Variants in COMMD2 observed in about 807,000 individuals in gnomAD.
COMMD2 encodes the protein COMM domain containing 2.
A neutral mutation model predicts 22.5 loss-of-function variants in COMMD2; 25 were observed. The ratio of observed to expected loss-of-function variants is 1.11; its 90% CI spans 0.81 to 1.55. The LOEUF (loss-of-function observed/expected upper bound fraction) is 1.55, where lower values mean the gene tolerates loss of function less well. Among genes scored for constraint, COMMD2 ranks in the 40% most tolerant of loss-of-function variants. The pLI, the probability that COMMD2 is intolerant of heterozygous loss-of-function variation, is 0.00. For synonymous variants in COMMD2, 98 were observed against 91.2 expected (o/e 1.07, Z -0.42); for missense variants, 223 against 232.9 (o/e 0.96, Z 0.28).
In COMMD2 at chr3:149,739,629, A is replaced by G; in HGVS notation, c.*1892T>C. On this transcript the variant is annotated 3_prime_UTR_variant, in exon 5 of 5. Coordinates refer to ENST00000473414, the MANE Select transcript of COMMD2 (RefSeq NM_016094.4). ...CTGGGATCAGCCATGTTTACCTTCC[A>G]TCGAAGGTGGACAAATAAAAACCCT... 6.6e-6 allele frequency: 1 copy of G among 152,328 alleles called. No individual in the cohort carries two copies. The highest frequency in any genetic ancestry group is 1.9e-4 in the East Asian group (1 of 5,186). The allele number at this position is 152,328 out of a possible 1,614,324, so 9.4% of individuals were successfully genotyped here.
At chr3:149,749,133 G>C (rs1716455319) in intron 4 of COMMD2, among the ~76,000 whole-genome samples, 1 of 151,962 alleles carries the variant, frequency 6.6e-6, no homozygotes, top group Non-Finnish European at 1.5e-5. Flanking sequence ...TCCTGCCTCA[G>C]CCTCCCAAGT....
chr3:149,749,117 C>T (rs982354498), intron 4 of COMMD2, among the ~76,000 whole-genome samples: 18 of 151,860 alleles, frequency 1.2e-4, no homozygotes, highest in Non-Finnish European at 1.0e-4. Context: ...CGGGTTCAAG[C>T]GATTCTCCTG....
chr3:149,749,444 T>C (rs982667792), intron 4 of COMMD2, among the ~76,000 whole-genome samples: 1 of 152,234 alleles, frequency 6.6e-6, no homozygotes, highest in Non-Finnish European at 1.5e-5. Context: ...CAAACTGTAT[T>C]GCACATTAGA....
intron 4 of COMMD2, among the ~76,000 whole-genome samples, chr3:149,742,744 G>A (rs1156647367): frequency 6.6e-6 from 1 of 152,078 alleles, no homozygotes; most frequent in Non-Finnish European, 1.5e-5. Flanking sequence ...TGAGATGGGT[G>A]GATCACAAGG....
intron 3 of COMMD2, 189 bp downstream of exon 3, chr3:149,751,214 A>T (rs1716519490): frequency 7.6e-6 from 6 of 786,704 alleles, no homozygotes; most frequent in Non-Finnish European, 1.2e-5. Context: ...AGCTATTTAT[A>T]CTAGCAAGAG....
chr3:149,749,253 C>T (rs1716460390), intron 4 of COMMD2, among the ~76,000 whole-genome samples: 1 of 152,222 alleles, frequency 6.6e-6, no homozygotes, highest in African/African-American at 2.4e-5. Flanking sequence ...ATCCGCCTGC[C>T]TTGGCCTCTC....
At chr3:149,747,341 G>C (rs1168262415) in intron 4 of COMMD2, among the ~76,000 whole-genome samples, 4 of 152,182 alleles carry the variant, frequency 2.6e-5, no homozygotes, top group Non-Finnish European at 5.9e-5. Context: ...GACCTTTGGG[G>C]CATCCCAATG....
At chr3:149,742,479 C>T (rs998697017) in intron 4 of COMMD2, among the ~76,000 whole-genome samples, 1 of 152,010 alleles carries the variant, frequency 6.6e-6, no homozygotes, top group African/African-American at 2.4e-5. Flanking sequence ...ATCAAATATT[C>T]ATTAACAGAA....
intron 4 of COMMD2, among the ~76,000 whole-genome samples, chr3:149,745,138 C>T (rs1005783317): frequency 1.3e-5 from 2 of 152,126 alleles, no homozygotes; most frequent in Admixed American, 6.5e-5. Flanking sequence ...CCCCACATCT[C>T]CACCGGGTTA....
intron 4 of COMMD2, among the ~76,000 whole-genome samples, chr3:149,747,503 A>G (rs1716409105): frequency 6.6e-6 from 1 of 152,372 alleles, no homozygotes. Flanking sequence ...CTGTCAATAA[A>G]CAGAATGGCA....
chr3:149,751,454 C>T lies in COMMD2; in HGVS notation c.177G>A (p.Gln59=), dbSNP rs746113630. ...RKLNVSSDTV[Q]HGVEGLTYLL... ...GATACGTTAATCCTTCCACACCATGCTGGACAGTGTCACTACTCACATTGA... is the reference window on the plus strand; with the variant it reads ...GATACGTTAATCCTTCCACACCATGTTGGACAGTGTCACTACTCACATTGA... The change falls in exon 3 of 5, where the codon CAG becomes CAA. Residue 59 remains glutamine (Q), a synonymous_variant. Transcript: ENST00000473414. The T allele has an allele frequency of 1.2e-6, 2 of 1,612,000 alleles. No homozygotes were observed. The highest frequency in any genetic ancestry group is 1.7e-6 in the Non-Finnish European group (2 of 1,179,428).
intron 4 of COMMD2, 42 bp from the exon 5 acceptor site, chr3:149,741,760 A>G: frequency 7.1e-7 from 1 of 1,410,794 alleles, no homozygotes. Context: ...CTATTTAATA[A>G]CCATGCTGAA....
intron 2 of COMMD2, 99 bp from the exon 3 acceptor site, chr3:149,751,584 T>C (rs1716534252): frequency 9.2e-7 from 1 of 1,092,652 alleles, no homozygotes; most frequent in Non-Finnish European, 1.3e-6. Context: ...TTATTACATG[T>C]TTTCAAACAC....
At chr3:149,750,428 C>G (rs1318697074) in intron 4 of COMMD2, 1 of 522,358 alleles carries the variant, frequency 1.9e-6, no homozygotes, top group South Asian at 1.7e-5. Context: ...AGGCACCAAC[C>G]TAAAAAATCT....
Position 149,739,675 on chromosome 3 carries a change from T to C in COMMD2, c.*1846A>G, listed in dbSNP as rs984427449. 1.6e-4 allele frequency: 24 copies of C among 152,226 alleles called. No individual in the cohort carries two copies. Among genetic ancestry groups the C allele is most frequent in the African/African-American group, 5.8e-4 (24 of 41,458 alleles). 9.4% of individuals were successfully genotyped at this position (152,226 alleles called of 1,614,324 possible). On this transcript the variant is annotated 3_prime_UTR_variant, in exon 5 of 5. Transcript: ENST00000473414. Reference sequence around the variant, plus strand: ...ACCCTTACAGAGGTATTTTTTATCATATGTTTTGCAGGCATGTTGCTTTTA... The same window carrying C: ...ACCCTTACAGAGGTATTTTTTATCACATGTTTTGCAGGCATGTTGCTTTTA...
Position 149,750,805 on chromosome 3 carries a change from G to A in COMMD2, c.275C>T (p.Ser92Phe), listed in dbSNP as rs771247836. 5.0e-6 allele frequency: 8 copies of A among 1,603,056 alleles called. 1 individual carries two copies. In the South Asian group the frequency reaches 9.0e-5, roughly 18 times the overall value. ...FQDSVFVLGFSEELNKLLLQL... is the reference protein window; with the variant it reads ...FQDSVFVLGFFEELNKLLLQL... ...AAGCAACAATTTGTTTAATTCTTCA[G>A]AGAATCCCAGAACAAAAACAGAGTC... The change falls in exon 4 of 5, where the codon TCT (serine) becomes TTT (phenylalanine). Residue 92 changes from serine to phenylalanine, a missense_variant. Coordinates refer to ENST00000473414, the MANE Select transcript of COMMD2 (RefSeq NM_016094.4).
chr3:149,740,702 TAA>T lies in COMMD2; in HGVS notation c.*817_*818del, dbSNP rs879903297. On this transcript the variant is annotated 3_prime_UTR_variant, in exon 5 of 5. Coordinates refer to ENST00000473414, the MANE Select transcript of COMMD2 (RefSeq NM_016094.4). ...GGCTATTAACACTGTGGGGTGTTTT[TAA>T]AAGTCAAAAATACTGAACTGTTTAG... 3.9e-5 allele frequency: 6 copies of T among 152,228 alleles called. No homozygotes were observed. The highest frequency in any genetic ancestry group is 8.8e-5 in the Non-Finnish European group (6 of 68,030). The allele number at this position is 152,228 out of a possible 1,614,324, so 9.4% of individuals were successfully genotyped here.
intron 4 of COMMD2, among the ~76,000 whole-genome samples, chr3:149,743,348 T>C (rs1430216988): frequency 6.6e-6 from 1 of 152,144 alleles, no homozygotes; most frequent in African/African-American, 2.4e-5. Flanking sequence ...GGAGAGAAAC[T>C]GTACAAGATG....
intron 4 of COMMD2, among the ~76,000 whole-genome samples, chr3:149,749,020 T>A (rs1015545140): frequency 6.8e-6 from 1 of 147,058 alleles, no homozygotes; most frequent in Non-Finnish European, 1.5e-5. Context: ...CTCTCTCTCT[T>A]TTTTTTTTTT....
Sources: gnomAD v4.1 joint callset for allele counts (sites outside exome capture counted in the v4.1 genomes callset) on GRCh38, gnomAD v4.1.1 for gene constraint, MANE v1.5 for transcripts, NCBI Gene and HGNC (gene_info 2026-07-23, HGNC 2026-07-21) for gene names.